KIF20B: variants seen among roughly 807,000 people sequenced by gnomAD.
KIF20B encodes the protein kinesin-like protein KIF20B.
In KIF20B, 188 loss-of-function variants were observed where a neutral mutation model predicts 232.5. That is an observed-to-expected ratio of 0.81 (90% confidence interval 0.72 to 0.91). The LOEUF (loss-of-function observed/expected upper bound fraction) is 0.91. KIF20B is among the 40% of genes least tolerant of loss of function. The pLI is 0.00. For missense variants in KIF20B, 2,154 were observed against 2,055.9 expected, an observed-to-expected ratio of 1.05 and a Z score of -0.92; for synonymous variants, 712 against 683.0, an observed-to-expected ratio of 1.04 and a Z score of -0.66.
At chr10:89,771,766 T>C (rs1842468138) in intron 31 of KIF20B, among the ~76,000 whole-genome samples, 2 of 152,006 alleles carry the variant, frequency 1.3e-5, no homozygotes, top group South Asian at 2.1e-4. Context: ...AGCCTTTTGT[T>C]TGGGGCTGCC....
At chr10:89,755,283 A>G (rs1004940188) in intron 26 of KIF20B, among the ~76,000 whole-genome samples, 3 of 152,232 alleles carry the variant, frequency 2.0e-5, no homozygotes, top group Non-Finnish European at 4.4e-5. Flanking sequence ...GCAGTATCAT[A>G]TTGTCATCTG....
chr10:89,723,985 G>T lies in KIF20B; in HGVS notation c.1744G>T (p.Asp582Tyr). ...ATAGAAACTGTTGGACTTAATAGAA[G>T]ACTTGAAAAAAAAACTGATAAATGA... ...EKRKLLDLIEDLKKKLINEKK... is the reference protein window; with the variant it reads ...EKRKLLDLIEYLKKKLINEKK... Residue 582 changes from aspartate to tyrosine, a missense_variant, in exon 14 of 33, where the codon GAC becomes TAC. Transcript: ENST00000371728. The T allele has an allele frequency of 1.9e-6, 3 of 1,556,456 alleles. No homozygotes were observed. In the South Asian group the frequency reaches 3.7e-5, roughly 19 times the overall value.
chr10:89,767,354 A>G (rs1329358172), intron 29 of KIF20B, among the ~76,000 whole-genome samples: 1 of 128,530 alleles, frequency 7.8e-6, no homozygotes. Flanking sequence ...CCGACAGGCT[A>G]TATTCTAATC....
intron 11 of KIF20B, 26 bp downstream of exon 11, chr10:89,717,748 G>T: frequency 6.7e-7 from 1 of 1,503,398 alleles, no homozygotes; most frequent in Non-Finnish European, 9.0e-7. Flanking sequence ...AGTGTTATTA[G>T]CATATTAAAT....
rs199632456 is a variant in KIF20B, at chr10:89,709,399, A to G, written c.289A>G (p.Ile97Val). Residue 97 changes from isoleucine to valine, a missense_variant, in exon 4 of 33, where the codon ATC (isoleucine) becomes GTC (valine). Transcript: ENST00000371728. ...TGTTGTGCTGAAAGAGCCTCAATGC[A>G]TCCTTGGTCGGTTAAGTGAAAAAAG... ...QTVVLKEPQC[I>V]LGRLSEKSSG... is the part of the protein sequence containing the mutation. The G allele has an allele frequency of 5.8e-5, 94 of 1,613,756 alleles. No homozygotes were observed. Among genetic ancestry groups the G allele is most frequent in the Admixed American group, 1.2e-4 (7 of 60,020 alleles).
chr10:89,738,903 T>C, intron 20 of KIF20B, 55 bp from the exon 21 acceptor site: 6 of 1,526,794 alleles, frequency 3.9e-6, no homozygotes, highest in Non-Finnish European at 4.4e-6. Context: ...TTCACATGTA[T>C]GGTCCTAAGC....
At chr10:89,766,992 A>G (rs1842375330) in intron 29 of KIF20B, among the ~76,000 whole-genome samples, 2 of 151,832 alleles carry the variant, frequency 1.3e-5, no homozygotes, top group African/African-American at 2.4e-5. Context: ...TATTTTATTA[A>G]TTTTACTATT....
chr10:89,726,914 T>A, intron 16 of KIF20B, among the ~76,000 whole-genome samples: 1 of 152,030 alleles, frequency 6.6e-6, no homozygotes, highest in East Asian at 1.9e-4. Flanking sequence ...CAATTACTCC[T>A]CTTGCCTCAG....
At chr10:89,725,840 G>A (rs558202638) in intron 15 of KIF20B, among the ~76,000 whole-genome samples, 1 of 151,596 alleles carries the variant, frequency 6.6e-6, no homozygotes, top group African/African-American at 2.4e-5. Flanking sequence ...TTTTGTTTTT[G>A]TTTAGTTTTT....
intron 13 of KIF20B, among the ~76,000 whole-genome samples, chr10:89,722,594 G>T (rs1255998960): frequency 6.6e-6 from 1 of 152,104 alleles, no homozygotes; most frequent in Non-Finnish European, 1.5e-5. Context: ...GCGTGAACCT[G>T]GGGGGCGGAG....
chr10:89,724,638 G>T (rs1422804774), intron 14 of KIF20B, among the ~76,000 whole-genome samples: 2 of 152,052 alleles, frequency 1.3e-5, no homozygotes, highest in Non-Finnish European at 2.9e-5. Flanking sequence ...GTCTTGTGCT[G>T]TCACCCAGGC....
intron 31 of KIF20B, among the ~76,000 whole-genome samples, chr10:89,772,110 G>A (rs1842474863): frequency 6.6e-6 from 1 of 151,664 alleles, no homozygotes; most frequent in Admixed American, 6.6e-5. Flanking sequence ...TTTCCCACAT[G>A]GAAATATGTT....
At chr10:89,727,121 A>G (rs1245530156) in intron 16 of KIF20B, among the ~76,000 whole-genome samples, 4 of 151,960 alleles carry the variant, frequency 2.6e-5, no homozygotes, top group Admixed American at 1.3e-4. Context: ...GCCTTGTTCT[A>G]TATTCTTTAT....
chr10:89,746,039 G>T (rs997402486), intron 23 of KIF20B, 80 bp downstream of exon 23: 46 of 1,008,280 alleles, frequency 4.6e-5, no homozygotes, highest in Non-Finnish European at 6.4e-5. Flanking sequence ...GGTATGACTT[G>T]CTTCATTGGT....
At chr10:89,739,201 T>C (rs879654869) in intron 21 of KIF20B, 105 bp downstream of exon 21, 2 of 1,231,922 alleles carry the variant, frequency 1.6e-6, no homozygotes, top group Non-Finnish European at 2.2e-6. Flanking sequence ...ATTTATCCAC[T>C]TTATAATTTT....
chr10:89,745,816 T>C (rs1356996857), intron 22 of KIF20B, 83 bp from the exon 23 acceptor site: 2 of 876,754 alleles, frequency 2.3e-6, no homozygotes, highest in Non-Finnish European at 3.7e-6. Flanking sequence ...AAACTTAATA[T>C]TGAGCCCTGT....
chr10:89,716,446 G>A lies in KIF20B; in HGVS notation c.951G>A (p.Trp317Ter). ...CTTTATTTTTTAAAGATCTACAATG[G>A]ATTCAAGTATCTGATTCCAAAGAAG... ...KGYSFIKDLQ[W>*]IQVSDSKEAY... The change falls in exon 9 of 33, where the codon TGG becomes TGA. Residue 317 changes from tryptophan to a stop codon, truncating the protein, a stop_gained. Coordinates refer to ENST00000371728, the MANE Select transcript of KIF20B (RefSeq NM_001284259.2). LOFTEE classifies it high-confidence loss of function. The A allele has an allele frequency of 6.9e-7, 1 of 1,447,178 alleles. No individual in the cohort carries two copies. The highest frequency in any genetic ancestry group is 9.6e-7 in the Non-Finnish European group (1 of 1,046,572). The allele number at this position is 1,447,178 out of a possible 1,614,324, so 89.6% of individuals were successfully genotyped here. A position where few individuals can be genotyped will look rare whatever the true frequency, so the allele number is the denominator to read the frequency against.
rs1263066258 is a variant in KIF20B at position 89,709,332 on chromosome 10, G to A, written c.235-13G>A. 1.2e-6 allele frequency: 2 copies of A among 1,600,086 alleles called. No homozygotes were observed. Among genetic ancestry groups the A allele is most frequent in the Non-Finnish European group, 1.7e-6 (2 of 1,170,122 alleles). On this transcript the variant is annotated splice_polypyrimidine_tract_variant and intron_variant, in intron 3 of 32. Transcript: ENST00000371728. ...AAATACTAGTTTTTATTTATTGGGG[G>A]TATGTTTTCTAGGGCTGTGTGCATA...
intron 19 of KIF20B, among the ~76,000 whole-genome samples, chr10:89,736,694 A>G (rs775145783): frequency 1.3e-5 from 2 of 152,180 alleles, no homozygotes; most frequent in Non-Finnish European, 2.9e-5. Flanking sequence ...CCTTCTGTAC[A>G]GATTTTCAGG....
Sources: gnomAD v4.1 joint callset for allele counts (sites outside exome capture counted in the v4.1 genomes callset) on GRCh38, gnomAD v4.1.1 for gene constraint, MANE v1.5 for transcripts, NCBI Gene and HGNC (gene_info 2026-07-23, HGNC 2026-07-21) for gene names.